RTTN: variants seen among roughly 807,000 people sequenced by gnomAD.
RTTN encodes rotatin.
Under a neutral mutation model 269.2 loss-of-function variants are expected in RTTN, and 182 were observed. The ratio of observed to expected loss-of-function variants is 0.68; its 90% CI spans 0.60 to 0.76. The LOEUF is 0.76. RTTN is among the 30% of genes least tolerant of loss of function. The pLI is 0.00. For synonymous variants in RTTN, 1,006 were observed against 963.5 expected, an observed-to-expected ratio of 1.04 and a Z score of -0.82; for missense variants, 2,545 against 2,608.6, an observed-to-expected ratio of 0.98 and a Z score of 0.53.
chr18:70,013,022 G>C (rs1009521880), intron 46 of RTTN, among the ~76,000 whole-genome samples: 5 of 152,196 alleles, frequency 3.3e-5, no homozygotes, highest in Non-Finnish European at 5.9e-5. Context: ...GTGAAAGGCA[G>C]GTGCAGTGAT....
intron 11 of RTTN, among the ~76,000 whole-genome samples, chr18:70,174,710 G>C (rs1348485287): frequency 6.7e-6 from 1 of 149,530 alleles, no homozygotes; most frequent in Admixed American, 6.6e-5. Flanking sequence ...AATAAGAAAT[G>C]GTTAAAAAAA....
At chr18:70,192,901 T>C (rs1367135326) in intron 8 of RTTN, 1 of 159,284 alleles carries the variant, frequency 6.3e-6, no homozygotes, top group Non-Finnish European at 1.4e-5. Flanking sequence ...TTGCAGCTGG[T>C]AAAAACAATT....
At position 70,177,938 on chromosome 18, in the gene RTTN, C is replaced by A. The variant is rs139748034; in HGVS notation, c.1306-1093G>T. On this transcript the variant is annotated intron_variant, in intron 10 of 48. Transcript: ENST00000640769. ...AGCAAATTCCACTTCTGGGAATATA[C>A]CCAAAAGAACTGAAAGCAGGGTCTC... Among the ~76,000 whole-genome samples, 23 of 152,260 alleles carry A rather than the reference C, an allele frequency of 1.5e-4. 1 individual carries two copies. Among genetic ancestry groups the A allele is most frequent in the African/African-American group, 5.3e-4 (22 of 41,558 alleles).
intron 46 of RTTN, among the ~76,000 whole-genome samples, chr18:70,010,908 C>T (rs866549510): frequency 2.0e-5 from 3 of 152,154 alleles, no homozygotes; most frequent in Admixed American, 2.0e-4. Context: ...AAGGGGAGAT[C>T]AGCACTGATC....
chr18:70,165,328 A>G (rs1240867571), intron 14 of RTTN, among the ~76,000 whole-genome samples: 2 of 151,496 alleles, frequency 1.3e-5, no homozygotes, highest in African/African-American at 2.4e-5. Context: ...ATACAGCTTT[A>G]TAAATAATAT....
intron 27 of RTTN, 34 bp from the exon 28 acceptor site, chr18:70,109,751 A>C: frequency 6.4e-7 from 1 of 1,563,508 alleles, no homozygotes; most frequent in Non-Finnish European, 8.8e-7. Context: ...TCAACCACCA[A>C]GAAAGTATAA....
intron 35 of RTTN, among the ~76,000 whole-genome samples, chr18:70,062,646 C>T (rs2058024556): frequency 7.4e-6 from 1 of 134,680 alleles, no homozygotes; most frequent in African/African-American, 2.9e-5. Context: ...GAGAAATGGT[C>T]TCACTGTTGC....
Position 70,093,458 on chromosome 18 carries a change from T to C in RTTN, c.3904-654A>G, listed in dbSNP as rs551388685. 2.6e-5 allele frequency among the ~76,000 whole-genome samples: 4 copies of C among 152,336 alleles called. No homozygotes were observed. In the East Asian group the frequency reaches 7.7e-4, roughly 29 times the overall value. ...TGGGTTTGTCACAAATAGGTCTTAT[T>C]ATTTTGAGATATGTCTCATCAATAC... On this transcript the variant is annotated intron_variant, in intron 28 of 48. Transcript: ENST00000640769.
chr18:70,185,517 C>G (rs556468983), intron 10 of RTTN, among the ~76,000 whole-genome samples: 2 of 152,172 alleles, frequency 1.3e-5, no homozygotes, highest in African/African-American at 4.8e-5. Flanking sequence ...TACAAATGTA[C>G]TAGAGCTAAT....
Position 70,109,676 on chromosome 18 carries a change from G to A in RTTN, c.3725C>T (p.Ala1242Val), listed in dbSNP as rs758469438. 1 of 1,614,026 alleles carries A rather than the reference G, an allele frequency of 6.2e-7. No homozygotes were observed. The highest frequency in any genetic ancestry group is 1.1e-5 in the South Asian group (1 of 91,054). Reference protein sequence around the residue: ...ELLYVFQTQLALKLLQCLKVT... With the variant: ...ELLYVFQTQLVLKLLQCLKVT... ...TTTCAGACACTGGAGCAGTTTCAGA[G>A]CCAGCTGCGTTTGAAAAACGTAAAG... is the stretch of plus-strand genomic sequence containing the variant. The change falls in exon 28 of 49, where the codon GCT (alanine) becomes GTT (valine). Residue 1242 changes from alanine (A) to valine (V), a missense_variant. Coordinates refer to ENST00000640769, the MANE Select transcript of RTTN (RefSeq NM_173630.4).
At chr18:70,120,293 A>G (rs1599647230) in intron 26 of RTTN, among the ~76,000 whole-genome samples, 1 of 152,082 alleles carries the variant, frequency 6.6e-6, no homozygotes, top group African/African-American at 2.4e-5. Flanking sequence ...CCTGCACCCC[A>G]TAACTGTAAG....
rs775222880 is a variant in RTTN, at chr18:70,020,812, T to C, written c.5956A>G (p.Ser1986Gly). 4 of 1,609,400 alleles carry C rather than the reference T, an allele frequency of 2.5e-6. No individual in the cohort carries two copies. The highest frequency in any genetic ancestry group is 3.4e-6 in the Non-Finnish European group (4 of 1,177,676). Residue 1986 changes from serine to glycine, a missense_variant, in exon 45 of 49, where the codon AGT (serine) becomes GGT (glycine). By Grantham distance (56) the Ser-to-Gly change is moderately conservative. Coordinates refer to ENST00000640769, the MANE Select transcript of RTTN (RefSeq NM_173630.4). ...VYTANFPNGCSSLCWSSCGQH... is the reference protein window; with the variant it reads ...VYTANFPNGCGSLCWSSCGQH... ...CCACAACTTGACCAACAAAGAGAACTGCAACCTTCAAAAATAACAGCCTAT... is the reference window on the plus strand; with the variant it reads ...CCACAACTTGACCAACAAAGAGAACCGCAACCTTCAAAAATAACAGCCTAT...
At chr18:70,029,844 A>T (rs998538802) in intron 42 of RTTN, among the ~76,000 whole-genome samples, 168 bp downstream of exon 42, 1 of 152,222 alleles carries the variant, frequency 6.6e-6, no homozygotes, top group Non-Finnish European at 1.5e-5. Context: ...AGTAAGAATT[A>T]AGACCAAAAA....
intron 28 of RTTN, among the ~76,000 whole-genome samples, chr18:70,107,330 A>G (rs2059346679): frequency 6.6e-6 from 1 of 152,246 alleles, no homozygotes; most frequent in African/African-American, 2.4e-5. Context: ...TAAGCCTTTC[A>G]TATTCTCATG....
At chr18:70,102,542 C>A (rs1205071263) in intron 28 of RTTN, among the ~76,000 whole-genome samples, 1 of 152,138 alleles carries the variant, frequency 6.6e-6, no homozygotes, top group Non-Finnish European at 1.5e-5. Context: ...CAGTCTGTAT[C>A]TTTTAATTGG....
intron 34 of RTTN, among the ~76,000 whole-genome samples, chr18:70,072,703 C>T (rs1467067302): frequency 1.3e-5 from 2 of 152,122 alleles, no homozygotes; most frequent in East Asian, 1.9e-4. Context: ...GATTTCAAGG[C>T]TAGTCTATAG....
At position 70,003,820 on chromosome 18, in the gene RTTN, A is replaced by C. The variant is rs1219288613; in HGVS notation, c.*331T>G. The C allele has an allele frequency of 5.8e-6, 1 of 173,218 alleles. No individual in the cohort carries two copies. Among genetic ancestry groups the C allele is most frequent in the African/African-American group, 2.4e-5 (1 of 42,290 alleles). 10.7% of individuals were successfully genotyped at this position (173,218 alleles called of 1,614,324 possible). A position where few individuals can be genotyped will look rare whatever the true frequency, so the allele number is the denominator to read the frequency against. On this transcript the variant is annotated 3_prime_UTR_variant, in exon 49 of 49. Coordinates refer to ENST00000640769, the MANE Select transcript of RTTN (RefSeq NM_173630.4). Reference sequence around the variant, plus strand: ...ATTAGTCAATTTTTAGTTTCTAAAAATATTGTTTTATTAAATAACTGTTAA... The same window carrying C: ...ATTAGTCAATTTTTAGTTTCTAAAACTATTGTTTTATTAAATAACTGTTAA...
chr18:70,121,235 T>C (rs560790223), intron 26 of RTTN, among the ~76,000 whole-genome samples: 1 of 152,210 alleles, frequency 6.6e-6, no homozygotes, highest in Admixed American at 6.5e-5. Context: ...ACTCTCAACA[T>C]GCCTATCTGG....
intron 14 of RTTN, 114 bp from the exon 15 acceptor site, chr18:70,150,847 C>CT (rs1409970542): frequency 6.8e-6 from 5 of 731,774 alleles, no homozygotes; most frequent in Middle Eastern, 4.2e-4. Flanking sequence ...TTCATTGAAA[C>CT]TTTTTTTAAC....
Sources: allele counts gnomAD v4.1 joint callset (sites outside exome capture counted in the v4.1 genomes callset), GRCh38; gene constraint gnomAD v4.1.1; transcripts MANE v1.5; gene names NCBI Gene and HGNC (gene_info 2026-07-23, HGNC 2026-07-21).